KAZN: variants seen among roughly 807,000 people sequenced by gnomAD.
The protein encoded by KAZN is kazrin.
A neutral mutation model predicts 87.4 loss-of-function variants in KAZN; 40 were observed. The observed-to-expected ratio is 0.46, with a 90% CI of 0.36 to 0.60. The LOEUF (loss-of-function observed/expected upper bound fraction) is 0.60, where lower values mean the gene tolerates loss of function less well. Ranked by LOEUF, KAZN falls within the 20% of genes least tolerant of loss-of-function variation. The probability of loss-of-function intolerance (pLI) is 0.00; values close to 1 mark genes in which losing one functional copy is unlikely to be tolerated. For missense variants in KAZN, 898 were observed against 1,073.9 expected (o/e 0.84, Z 2.29); for synonymous variants, 466 against 458.3 (o/e 1.02, Z -0.22).
intron 1 of KAZN, among the ~76,000 whole-genome samples, chr1:13,940,789 T>C (rs951238582): frequency 6.6e-6 from 1 of 152,232 alleles, no homozygotes; most frequent in Non-Finnish European, 1.5e-5. Flanking sequence ...GTTCCATTTT[T>C]TTAAACTTTT....
chr1:14,205,905 A>AAAAAAAAAAAAAAAAAC (rs1557559797), intron 2 of KAZN, among the ~76,000 whole-genome samples: 4 of 49,438 alleles, frequency 8.1e-5, no homozygotes, highest in South Asian at 7.8e-4. Context: ...AAAAAAAAAA[A>AAAAAAAAAAAAAAAAAC]AGCTACCTAA....
intron 1 of KAZN, among the ~76,000 whole-genome samples, chr1:14,889,707 T>C (rs1471598337): frequency 2.6e-5 from 4 of 152,224 alleles, no homozygotes; most frequent in Non-Finnish European, 5.9e-5. Context: ...CCAAGAATGT[T>C]TGTACACTTT....
At chr1:14,201,447 G>A (rs112264449) in intron 2 of KAZN, among the ~76,000 whole-genome samples, 2 of 152,172 alleles carry the variant, frequency 1.3e-5, no homozygotes, top group Non-Finnish European at 2.9e-5. Context: ...GGCCCTGGCT[G>A]CCCCGGAGCA....
chr1:14,068,326 T>A (rs1032483315), intron 1 of KAZN, among the ~76,000 whole-genome samples: 1 of 152,218 alleles, frequency 6.6e-6, no homozygotes, highest in Non-Finnish European at 1.5e-5. Flanking sequence ...TTAAATGTTA[T>A]TGATGCTTGC....
At chr1:14,429,723 C>T (rs148506625) in intron 2 of KAZN, among the ~76,000 whole-genome samples, 6 of 152,244 alleles carry the variant, frequency 3.9e-5, no homozygotes, top group Non-Finnish European at 7.4e-5. Context: ...ATGTAATACT[C>T]ACCCCAGTGA....
intron 1 of KAZN, among the ~76,000 whole-genome samples, chr1:14,732,523 C>G (rs1643723933): frequency 6.6e-6 from 1 of 151,998 alleles, no homozygotes; most frequent in Non-Finnish European, 1.5e-5. Context: ...CCTGTAGTTC[C>G]AGCTTCTAGG....
chr1:14,246,818 A>G (rs1254699409), intron 2 of KAZN, among the ~76,000 whole-genome samples: 1 of 152,148 alleles, frequency 6.6e-6, no homozygotes, highest in Non-Finnish European at 1.5e-5. Flanking sequence ...TTCAAACAAT[A>G]TTATGTGTGT....
chr1:14,166,423 G>A (rs762395503), intron 1 of KAZN, among the ~76,000 whole-genome samples: 4 of 152,232 alleles, frequency 2.6e-5, no homozygotes, highest in Admixed American at 6.5e-5. Context: ...GATTGCCTGT[G>A]TGACCTTGGG....
rs556898172 is a variant in KAZN at position 14,554,964 on chromosome 1, G to A, written c.250-44019G>A. Among the ~76,000 whole-genome samples, 10 of 152,304 alleles carry A rather than the reference G, an allele frequency of 6.6e-5. No individual in the cohort carries two copies. In the South Asian group the frequency reaches 1.7e-3, roughly 25 times the overall value. On this transcript the variant is annotated intron_variant, in intron 2 of 16. Coordinates refer to the KAZN transcript ENST00000636203. The stretch of plus-strand genomic sequence containing the variant: ...TGCCCCCACAACCATTCCTGTTCCC[G>A]TAAGAGTTCCTTAGCTCCTTTTAGA...
At chr1:15,010,328 C>T (rs1214851770) in intron 2 of KAZN, among the ~76,000 whole-genome samples, 3 of 151,258 alleles carry the variant, frequency 2.0e-5, no homozygotes, top group Non-Finnish European at 4.4e-5. Context: ...TTGAAAGACT[C>T]CTTCAAAGGA....
chr1:13,990,682 T>C (rs1639236280), intron 1 of KAZN, among the ~76,000 whole-genome samples: 1 of 152,172 alleles, frequency 6.6e-6, no homozygotes, highest in South Asian at 2.1e-4. Flanking sequence ...TTATGCACAT[T>C]TTACCTCAAA....
At chr1:13,921,807 A>G (rs1374390127) in intron 1 of KAZN, among the ~76,000 whole-genome samples, 2 of 151,680 alleles carry the variant, frequency 1.3e-5, no homozygotes, top group South Asian at 2.1e-4. Flanking sequence ...AATGTTTTGT[A>G]TTTTTAGTAG....
chr1:14,804,473 G>A (rs1314964122), intron 1 of KAZN, among the ~76,000 whole-genome samples: 1 of 152,126 alleles, frequency 6.6e-6, no homozygotes, highest in Admixed American at 6.5e-5. Context: ...CGGGCCCAGT[G>A]GGGTCAGCCA....
At chr1:14,536,053 G>C (rs1056849824) in intron 2 of KAZN, among the ~76,000 whole-genome samples, 1 of 152,238 alleles carries the variant, frequency 6.6e-6, no homozygotes, top group African/African-American at 2.4e-5. Context: ...GAGCAGGCTA[G>C]AGAAGGCATC....
chr1:14,005,591 T>C (rs1640003187), intron 1 of KAZN, among the ~76,000 whole-genome samples: 1 of 152,164 alleles, frequency 6.6e-6, no homozygotes, highest in Non-Finnish European at 1.5e-5. Flanking sequence ...ACATAATCTG[T>C]TAATAAACTG....
intron 1 of KAZN, among the ~76,000 whole-genome samples, chr1:13,959,931 A>G (rs548632992): frequency 3.8e-4 from 58 of 152,206 alleles, no homozygotes; most frequent in Non-Finnish European, 7.6e-4. Flanking sequence ...TGGGCACTGC[A>G]TTTGGAGCTG....
chr1:14,562,968 T>C (rs532882636), intron 2 of KAZN, among the ~76,000 whole-genome samples: 1 of 152,362 alleles, frequency 6.6e-6, no homozygotes, highest in South Asian at 2.1e-4. Flanking sequence ...GACAGCGTTG[T>C]GGATCATTTA....
At chr1:14,420,911 CCT>C (rs1665375292) in intron 2 of KAZN, among the ~76,000 whole-genome samples, 1 of 148,494 alleles carries the variant, frequency 6.7e-6, no homozygotes, top group African/African-American at 2.4e-5. Flanking sequence ...CCACACCTCC[CCT>C]CCACACCTCC....
Position 14,882,835 on chromosome 1 carries a change from C to A in KAZN, c.227-77849C>A, listed in dbSNP as rs1557585312. The stretch of plus-strand genomic sequence containing the variant: ...TTTCATTTAAGTCTCATAATAACCC[C>A]TGTAAAGTAGGGACTGACATCATCC... On this transcript the variant is annotated intron_variant, in intron 1 of 14. Transcript: ENST00000376030. Among the ~76,000 whole-genome samples, 4 of 152,238 alleles carry A rather than the reference C, an allele frequency of 2.6e-5. No individual in the cohort carries two copies. In the East Asian group the frequency reaches 5.8e-4, roughly 22 times the overall value.
Sources: gnomAD v4.1 joint callset for allele counts (sites outside exome capture counted in the v4.1 genomes callset) on GRCh38, gnomAD v4.1.1 for gene constraint, MANE v1.5 for transcripts, NCBI Gene and HGNC (gene_info 2026-07-23, HGNC 2026-07-21) for gene names.